SHOX: variants seen among roughly 807,000 people sequenced by gnomAD.
SHOX encodes the protein SHOX homeobox.
Under a neutral mutation model 29.6 loss-of-function variants are expected in SHOX, and 12 were observed. The ratio of observed to expected loss-of-function variants is 0.41; its 90% CI spans 0.26 to 0.66. The LOEUF is 0.66. Ranked by LOEUF, SHOX falls within the 30% of genes least tolerant of loss-of-function variation. SHOX has a pLI of 0.35. For synonymous variants in SHOX, 214 were observed against 200.6 expected, an observed-to-expected ratio of 1.07 and a Z score of -0.57; for missense variants, 499 against 437.7, an observed-to-expected ratio of 1.14 and a Z score of -1.25.
At chrX:654,778 G>A (rs1161781390), downstream of SHOX, among the ~76,000 whole-genome samples, 4 of 151,916 alleles carry the variant, frequency 2.6e-5, no homozygotes, top group Non-Finnish European at 5.9e-5. Flanking sequence ...TCTGCCTCCC[G>A]GGTTCAAGCG....
chrX:650,792 T>TAAAAAAAAAAAAAA lies in SHOX; in HGVS notation c.*6170_*6183dup, dbSNP rs1041655715. The stretch of plus-strand genomic sequence containing the variant: ...GGCTTTCGGTGGACACGTTTGACAT[T>TAAAAAAAAAAAAAA]AAAAAAAAAAAAAAAAAAAAAAAAA... On this transcript the variant is annotated 3_prime_UTR_variant, in exon 5 of 5. Transcript: ENST00000686671. Among the ~76,000 whole-genome samples, 12 of 50,818 alleles carry TAAAAAAAAAAAAAA rather than the reference T, an allele frequency of 2.4e-4. No homozygotes were observed. Among genetic ancestry groups the TAAAAAAAAAAAAAA allele is most frequent in the Non-Finnish European group, 3.0e-4 (8 of 27,064 alleles). 33.3% of individuals were successfully genotyped at this position (50,818 alleles called of 152,430 possible). A position where few individuals can be genotyped will look rare whatever the true frequency, so the allele number is the denominator to read the frequency against.
At chrX:631,965 A>T (rs1289674122) in intron 1 of SHOX, 4 of 455,978 alleles carry the variant, frequency 8.8e-6, no homozygotes, top group Admixed American at 4.7e-5. Flanking sequence ...CCCGGAGATC[A>T]CGGGAAGACT....
upstream of SHOX, among the ~76,000 whole-genome samples, chrX:629,820 A>G (rs1443705721): frequency 6.6e-6 from 1 of 152,194 alleles, no homozygotes. Flanking sequence ...AGGACTTGGA[A>G]AACGAATTTC....
In SHOX at chrX:645,266, G is replaced by C. The variant is rs1043392086; in HGVS notation, c.*630G>C. The C allele has an allele frequency of 6.6e-6, 1 of 152,146 alleles. No homozygotes were observed. Among genetic ancestry groups the C allele is most frequent in the Non-Finnish European group, 1.5e-5 (1 of 68,040 alleles). The allele number at this position is 152,146 out of a possible 1,614,324, so 9.4% of individuals were successfully genotyped here. ...GTGAACCGCGGGCTTTGGAAAGGGA[G>C]GGGAGGGAGACCCGAACCTCCCACG... is the stretch of plus-strand genomic sequence containing the variant. On this transcript the variant is annotated 3_prime_UTR_variant, in exon 5 of 5. Coordinates refer to ENST00000686671, the MANE Select transcript of SHOX (RefSeq NM_000451.4).
downstream of SHOX, among the ~76,000 whole-genome samples, chrX:654,643 C>T (rs919852643): frequency 2.6e-5 from 4 of 152,074 alleles, no homozygotes; most frequent in African/African-American, 7.2e-5. Flanking sequence ...TGGTGCTCTC[C>T]TACGGTTGAA....
intron 5 of SHOX, among the ~76,000 whole-genome samples, chrX:657,392 T>G (rs1450384299): frequency 6.6e-6 from 1 of 152,214 alleles, no homozygotes; most frequent in Non-Finnish European, 1.5e-5. Context: ...CCCACATTCT[T>G]GGAATCACAA....
Position 645,053 on chromosome X carries a change from T to G in SHOX, c.*417T>G. 5.7e-6 allele frequency: 1 copy of G among 175,618 alleles called. No homozygotes were observed. The highest frequency in any genetic ancestry group is 1.2e-5 in the Non-Finnish European group (1 of 84,292). The allele number at this position is 175,618 out of a possible 1,614,324, so 10.9% of individuals were successfully genotyped here. ...GAGCTGGTCTCCGATGAAAATGCCA[T>G]TTCTTCGTTGCCAACGATTTTCTTT... On this transcript the variant is annotated 3_prime_UTR_variant, in exon 5 of 5. Transcript: ENST00000686671.
downstream of SHOX, among the ~76,000 whole-genome samples, chrX:655,614 CTATATATATATATATATATATATATATA>C (rs1173014302): frequency 2.9e-5 from 1 of 35,074 alleles, no homozygotes; most frequent in East Asian, 9.1e-4. Flanking sequence ...CTCTCTCTCT[CTATATATATATATATATATATATATATA>C]TATATATATA....
intron 1 of SHOX, among the ~76,000 whole-genome samples, chrX:631,529 T>C (rs1395228415): frequency 7.2e-6 from 1 of 137,958 alleles, no homozygotes; most frequent in African/African-American, 2.6e-5. Flanking sequence ...TCCTTTCCTT[T>C]TTTTGTTTGT....
rs750301867 is a variant in SHOX at position 635,368 on chromosome X, G to C, written c.486+542G>C. 1.1e-4 allele frequency among the ~76,000 whole-genome samples: 17 copies of C among 152,260 alleles called. 1 individual carries two copies. The South Asian group carries it at 1.9e-3, about 17-fold the overall frequency. ...TCTTCCCGTGTGGCTGCATTGAAAAGGTTTCCTTAGGATGAAAGGAGAGGG... is the reference window on the plus strand; with the variant it reads ...TCTTCCCGTGTGGCTGCATTGAAAACGTTTCCTTAGGATGAAAGGAGAGGG... On this transcript the variant is annotated intron_variant, in intron 2 of 4. Transcript: ENST00000686671.
chrX:631,122 AGACAAT>A lies in SHOX; in HGVS notation c.231_236del (p.Asn77_Asp78del), dbSNP rs770050685. 6.8e-6 allele frequency: 11 copies of A among 1,613,522 alleles called. No homozygotes were observed. The highest frequency in any genetic ancestry group is 1.3e-5 in the African/African-American group (1 of 74,934). ...CGGTGCATTTGTTCAAGGACCACGT[AGACAAT>A]GACAAGGAGAAACTGAAAGAATTCG... On this transcript the variant is annotated inframe_deletion, in exon 1 of 5. Transcript: ENST00000686671.
rs1181958078 is a variant in SHOX at position 651,452 on chromosome X, G to A, written c.*6816G>A. 21 of 451,844 alleles carry A rather than the reference G, an allele frequency of 4.6e-5. No individual in the cohort carries two copies. Among genetic ancestry groups the A allele is most frequent in the Non-Finnish European group, 8.0e-5 (18 of 225,916 alleles). 28.0% of individuals were successfully genotyped at this position (451,844 alleles called of 1,614,324 possible). A position where few individuals can be genotyped will look rare whatever the true frequency, so the allele number is the denominator to read the frequency against. ...AAAAACCACCCTGAGTTTCTCTGGT[G>A]ACGCCCTCATTCTCCTAACGTTCAA... On this transcript the variant is annotated 3_prime_UTR_variant, in exon 5 of 5. Coordinates refer to ENST00000686671, the MANE Select transcript of SHOX (RefSeq NM_000451.4).
intron 1 of SHOX, among the ~76,000 whole-genome samples, chrX:632,732 C>A (rs1034109673): frequency 6.6e-6 from 1 of 152,180 alleles, no homozygotes; most frequent in African/African-American, 2.4e-5. Context: ...CCCAGCCTGC[C>A]TTTGACAGTG....
downstream of SHOX, among the ~76,000 whole-genome samples, chrX:656,499 G>T (rs1455525699): frequency 6.6e-6 from 1 of 152,062 alleles, no homozygotes; most frequent in Non-Finnish European, 1.5e-5. Context: ...TTGAGCCCAG[G>T]AGTTCAAGAC....
chrX:655,786 T>C (rs1172352411), downstream of SHOX, among the ~76,000 whole-genome samples: 1 of 151,948 alleles, frequency 6.6e-6, no homozygotes, highest in African/African-American at 2.4e-5. Flanking sequence ...TGTTCGTGTT[T>C]AAAGAGCTGC....
intron 4 of SHOX, 110 bp downstream of exon 4, chrX:641,197 G>A: frequency 9.4e-7 from 1 of 1,063,746 alleles, no homozygotes; most frequent in Non-Finnish European, 1.5e-6. Flanking sequence ...TGCCCCTGCA[G>A]ACTTCTCAGC....
chrX:633,662 C>G (rs749504836), intron 1 of SHOX, among the ~76,000 whole-genome samples: 33 of 152,226 alleles, frequency 2.2e-4, no homozygotes, highest in African/African-American at 6.7e-4. Flanking sequence ...ATGTCAGCCC[C>G]TTACCCTTGA....
intron 4 of SHOX, among the ~76,000 whole-genome samples, chrX:644,145 C>G (rs1390129385): frequency 6.6e-6 from 1 of 152,156 alleles, no homozygotes; most frequent in Non-Finnish European, 1.5e-5. Context: ...GACCCCCCTC[C>G]CATGCGCTTT....
At position 644,418 on chromosome X, in the gene SHOX, G is replaced by T. The variant is rs763919225; in HGVS notation, c.661G>T (p.Val221Leu). Residue 221 changes from valine to leucine, a missense_variant, in exon 5 of 5, where the codon GTG (valine) becomes TTG (leucine). Coordinates refer to ENST00000686671, the MANE Select transcript of SHOX (RefSeq NM_000451.4). ...CCAGGCTCAGCTGCAGCTGGAAGGCGTGGCCCACGCGCACCCGCACCTGCA... is the reference window on the plus strand; with the variant it reads ...CCAGGCTCAGCTGCAGCTGGAAGGCTTGGCCCACGCGCACCCGCACCTGCA... Reference protein sequence around the residue: ...QVQAQLQLEGVAHAHPHLHPH... With the variant: ...QVQAQLQLEGLAHAHPHLHPH... 1.3e-6 allele frequency: 2 copies of T among 1,521,582 alleles called. No individual in the cohort carries two copies. Among genetic ancestry groups the T allele is most frequent in the Admixed American group, 2.0e-5 (1 of 50,112 alleles). The allele number at this position is 1,521,582 out of a possible 1,614,324, so 94.3% of individuals were successfully genotyped here. A position where few individuals can be genotyped will look rare whatever the true frequency, so the allele number is the denominator to read the frequency against.
Sources: allele counts gnomAD v4.1 joint callset (sites outside exome capture counted in the v4.1 genomes callset), GRCh38; gene constraint gnomAD v4.1.1; transcripts MANE v1.5; gene names NCBI Gene and HGNC (gene_info 2026-07-23, HGNC 2026-07-21).